Variants in CAMK1G observed in about 807,000 individuals in gnomAD.
CAMK1G encodes the protein calcium/calmodulin dependent protein kinase IG, also known as calcium/calmodulin-dependent protein kinase type 1G.
Under a neutral mutation model 54.8 loss-of-function variants are expected in CAMK1G, and 27 were observed. The observed-to-expected ratio is 0.49, with a 90% CI of 0.36 to 0.68. The LOEUF (loss-of-function observed/expected upper bound fraction) is 0.68, where lower values mean the gene tolerates loss of function less well. Ranked by LOEUF, CAMK1G falls within the 30% of genes least tolerant of loss-of-function variation. The pLI, the probability that CAMK1G is intolerant of heterozygous loss-of-function variation, is 0.00. For missense variants in CAMK1G, 512 were observed against 591.0 expected (o/e 0.87, Z 1.39); for synonymous variants, 238 against 224.9 (o/e 1.06, Z -0.52).
At position 209,611,866 on chromosome 1, in the gene CAMK1G, C is replaced by G; in HGVS notation, c.990C>G (p.Arg330=). The change falls in exon 11 of 13, where the codon CGC becomes CGG. Residue 330 remains arginine (R), a synonymous_variant. Coordinates refer to ENST00000361322, the MANE Select transcript of CAMK1G (RefSeq NM_020439.3). ...TGAACCTGCACAGCCCGGGCGTCCG[C>G]CCAGAGGTGGAGAACAGGCCGCCTG... is the stretch of plus-strand genomic sequence containing the variant. ...LHMNLHSPGV[R]PEVENRPPET... The G allele has an allele frequency of 6.2e-7, 1 of 1,614,256 alleles. No homozygotes were observed. The highest frequency in any genetic ancestry group is 8.5e-7 in the Non-Finnish European group (1 of 1,180,050).
intron 11 of CAMK1G, 185 bp downstream of exon 11, chr1:209,612,401 G>A: frequency 3.0e-6 from 2 of 661,834 alleles, no homozygotes; most frequent in Non-Finnish European, 5.2e-6. Flanking sequence ...CTAGTTGTGA[G>A]GCCATTGACG....
chr1:209,593,548 C>T (rs770101340), intron 1 of CAMK1G, among the ~76,000 whole-genome samples: 1 of 152,136 alleles, frequency 6.6e-6, no homozygotes, highest in Non-Finnish European at 1.5e-5. Context: ...ACATGTTTCT[C>T]TCTAGTATTC....
At chr1:209,593,314 G>C (rs2102383405) in intron 1 of CAMK1G, among the ~76,000 whole-genome samples, 1 of 152,326 alleles carries the variant, frequency 6.6e-6, no homozygotes, top group South Asian at 2.1e-4. Context: ...TTTTTCTCGA[G>C]TGGGGAAGGA....
At chr1:209,594,335 C>T (rs1177570578) in intron 1 of CAMK1G, among the ~76,000 whole-genome samples, 1 of 152,200 alleles carries the variant, frequency 6.6e-6, no homozygotes, top group Admixed American at 6.5e-5. Context: ...GCACCTTGCA[C>T]ACGGTAGGTG....
In CAMK1G at chr1:209,608,857, C is replaced by A. The variant is rs1484245738; in HGVS notation, c.636-123C>A. The A allele has an allele frequency of 2.9e-6, 4 of 1,377,986 alleles. No individual in the cohort carries two copies. The East Asian group carries it at 7.1e-5, about 24-fold the overall frequency. 85.4% of individuals were successfully genotyped at this position (1,377,986 alleles called of 1,614,324 possible). On this transcript the variant is annotated intron_variant, in intron 7 of 12. Coordinates refer to ENST00000361322, the MANE Select transcript of CAMK1G (RefSeq NM_020439.3). The stretch of plus-strand genomic sequence containing the variant: ...TTGAGGCAGATCTGCGTCCTGGTCA[C>A]ACCACTGTTCTGGGACCTTCAGTGC...
intron 2 of CAMK1G, 65 bp from the exon 3 acceptor site, chr1:209,599,918 T>C (rs1290166730): frequency 6.3e-7 from 1 of 1,593,010 alleles, no homozygotes; most frequent in Non-Finnish European, 8.5e-7. Context: ...TTCTGAGGTC[T>C]TACATCTGGA....
intron 1 of CAMK1G, among the ~76,000 whole-genome samples, chr1:209,584,196 A>C (rs1665036303): frequency 6.6e-6 from 1 of 152,038 alleles, no homozygotes; most frequent in East Asian, 1.9e-4. Context: ...TTCATCTCTT[A>C]ACCTCTCTGA....
chr1:209,611,061 T>G (rs533008209), intron 9 of CAMK1G, among the ~76,000 whole-genome samples: 1 of 152,130 alleles, frequency 6.6e-6, no homozygotes, highest in African/African-American at 2.4e-5. Flanking sequence ...CTATAAAGCA[T>G]CAGATAGTAA....
intron 9 of CAMK1G, among the ~76,000 whole-genome samples, 187 bp downstream of exon 9, chr1:209,610,116 C>T (rs1665747114): frequency 6.6e-6 from 1 of 152,166 alleles, no homozygotes; most frequent in South Asian, 2.1e-4. Context: ...GGAGCAGGTT[C>T]TAATGCAAGG....
intron 5 of CAMK1G, 128 bp from the exon 6 acceptor site, chr1:209,606,192 G>C: frequency 2.5e-6 from 3 of 1,194,388 alleles, no homozygotes; most frequent in South Asian, 1.4e-5. Flanking sequence ...GGGAAGAATG[G>C]GGGAGGATGA....
intron 2 of CAMK1G, 114 bp downstream of exon 2, chr1:209,595,189 A>G (rs1217317217): frequency 1.4e-6 from 1 of 724,488 alleles, no homozygotes; most frequent in Non-Finnish European, 2.4e-6. Context: ...CTGTGACTTC[A>G]TTTCGATTTA....
At chr1:209,584,244 C>T (rs1665037760) in intron 1 of CAMK1G, among the ~76,000 whole-genome samples, 2 of 152,098 alleles carry the variant, frequency 1.3e-5, no homozygotes, top group Admixed American at 1.3e-4. Context: ...CTCTGCCGAC[C>T]TCTTTGGGTT....
intron 10 of CAMK1G, 102 bp downstream of exon 10, chr1:209,611,654 C>A: frequency 6.8e-7 from 1 of 1,460,860 alleles, no homozygotes; most frequent in Admixed American, 1.8e-5. Flanking sequence ...TCCCAGAAGG[C>A]ATTGGAGCTC....
intron 1 of CAMK1G, among the ~76,000 whole-genome samples, chr1:209,591,058 A>C (rs547305662): frequency 6.6e-6 from 1 of 152,002 alleles, no homozygotes; most frequent in East Asian, 1.9e-4. Flanking sequence ...CAGGATCTAC[A>C]GAAGGGCATC....
At chr1:209,612,328 G>A in intron 11 of CAMK1G, 112 bp downstream of exon 11, 1 of 1,183,452 alleles carries the variant, frequency 8.4e-7, no homozygotes, top group Non-Finnish European at 1.2e-6. Flanking sequence ...CAGCTATATA[G>A]GGAGGGATGA....
intron 1 of CAMK1G, among the ~76,000 whole-genome samples, chr1:209,585,198 G>A (rs1460391565): frequency 6.6e-6 from 1 of 152,156 alleles, no homozygotes; most frequent in Non-Finnish European, 1.5e-5. Context: ...AGAAGCTTGA[G>A]GTTAGAGTGA....
intron 1 of CAMK1G, among the ~76,000 whole-genome samples, chr1:209,585,272 T>G (rs547594474): frequency 6.6e-6 from 1 of 152,196 alleles, no homozygotes; most frequent in African/African-American, 2.4e-5. Flanking sequence ...CCAGCCTCCA[T>G]GCTGAGAAAT....
chr1:209,600,214 AT>A (rs1465596421), intron 3 of CAMK1G, 103 bp downstream of exon 3: 1 of 1,379,422 alleles, frequency 7.2e-7, no homozygotes, highest in Admixed American at 2.1e-5. Flanking sequence ...ACCCAAAGGC[AT>A]TGCTCACTTT....
At chr1:209,606,260 G>C in intron 5 of CAMK1G, 60 bp from the exon 6 acceptor site, 1 of 1,586,498 alleles carries the variant, frequency 6.3e-7, no homozygotes, top group Non-Finnish European at 8.6e-7. Context: ...TGTATCAAGG[G>C]GAAGGAAAAT....
Sources: allele counts gnomAD v4.1 joint callset (sites outside exome capture counted in the v4.1 genomes callset), GRCh38; gene constraint gnomAD v4.1.1; transcripts MANE v1.5; gene names NCBI Gene and HGNC (gene_info 2026-07-23, HGNC 2026-07-21).